Variants in ZMIZ1 observed in about 807,000 individuals in gnomAD.
ZMIZ1 encodes the protein zinc finger MIZ domain-containing protein 1.
A neutral mutation model predicts 113.9 loss-of-function variants in ZMIZ1; 17 were observed. The observed-to-expected ratio is 0.15, with a 90% confidence interval of 0.10 to 0.22. The LOEUF is 0.22. ZMIZ1 is among the 10% of genes least tolerant of loss of function. The probability of loss-of-function intolerance (pLI) is 1.00; values close to 1 mark genes in which losing one functional copy is unlikely to be tolerated. For missense variants in ZMIZ1, 1,059 were observed against 1,477.8 expected, an observed-to-expected ratio of 0.72 and a Z score of 4.65; for synonymous variants, 607 against 603.1, an observed-to-expected ratio of 1.01 and a Z score of -0.09.
chr10:79,136,318 C>T (rs1845006508), intron 2 of ZMIZ1, among the ~76,000 whole-genome samples: 1 of 152,254 alleles, frequency 6.6e-6, no homozygotes, highest in African/African-American at 2.4e-5. Context: ...TAGGACCCCC[C>T]AGCCTGTCCC....
chr10:79,250,482 G>A (rs1299622776), intron 7 of ZMIZ1, among the ~76,000 whole-genome samples: 1 of 152,268 alleles, frequency 6.6e-6, no homozygotes, highest in African/African-American at 2.4e-5. Flanking sequence ...AGCCATCAGG[G>A]AGGTCCTAGC....
At chr10:79,243,705 G>A in intron 7 of ZMIZ1, 1 of 297,592 alleles carries the variant, frequency 3.4e-6, no homozygotes, top group South Asian at 2.4e-5. Context: ...CCCCGAGGGC[G>A]CCAGGGCGGG....
intron 4 of ZMIZ1, among the ~76,000 whole-genome samples, chr10:79,192,841 C>CGCTG (rs1290468470): frequency 2.0e-5 from 3 of 152,214 alleles, no homozygotes; most frequent in Admixed American, 2.0e-4. Flanking sequence ...CAATGACTCA[C>CGCTG]GCTGGCCCGA....
chr10:79,197,522 C>G (rs2132636923), intron 4 of ZMIZ1, among the ~76,000 whole-genome samples: 2 of 152,020 alleles, frequency 1.3e-5, no homozygotes, highest in Admixed American at 1.3e-4. Flanking sequence ...AGGACAAATA[C>G]AGCTCCCGCT....
At chr10:79,220,436 C>A (rs532614730) in intron 7 of ZMIZ1, among the ~76,000 whole-genome samples, 1 of 152,132 alleles carries the variant, frequency 6.6e-6, no homozygotes, top group African/African-American at 2.4e-5. Context: ...GGCACAGCCC[C>A]GGTGTGCCTG....
chr10:79,137,907 CA>C (rs1845083372), intron 2 of ZMIZ1, among the ~76,000 whole-genome samples: 2 of 152,084 alleles, frequency 1.3e-5, no homozygotes, highest in African/African-American at 4.8e-5. Flanking sequence ...CGGGCTCTGA[CA>C]GGGACATTTA....
intron 7 of ZMIZ1, among the ~76,000 whole-genome samples, chr10:79,257,250 T>C (rs1850974134): frequency 6.6e-6 from 1 of 152,232 alleles, no homozygotes; most frequent in African/African-American, 2.4e-5. Flanking sequence ...AGATTCCTGG[T>C]GACAGCAGCT....
At chr10:79,268,187 C>T (rs1314860510) in intron 7 of ZMIZ1, among the ~76,000 whole-genome samples, 2 of 152,340 alleles carry the variant, frequency 1.3e-5, no homozygotes, top group East Asian at 1.9e-4. Context: ...GAGCAGAGGA[C>T]GACCAGGGCT....
chr10:79,095,191 G>A (rs1182543208), intron 1 of ZMIZ1, among the ~76,000 whole-genome samples: 1 of 152,182 alleles, frequency 6.6e-6, no homozygotes, highest in Non-Finnish European at 1.5e-5. Context: ...GATTAAGGTT[G>A]TTGGAAAGAC....
intron 4 of ZMIZ1, among the ~76,000 whole-genome samples, chr10:79,200,047 C>T (rs983800374): frequency 2.0e-5 from 3 of 152,180 alleles, no homozygotes; most frequent in Non-Finnish European, 4.4e-5. Flanking sequence ...TGGAGATGAT[C>T]CTGGCCTTAG....
intron 7 of ZMIZ1, among the ~76,000 whole-genome samples, chr10:79,265,670 C>T (rs1851559610): frequency 6.6e-6 from 1 of 151,812 alleles, no homozygotes; most frequent in South Asian, 2.1e-4. Flanking sequence ...ATGTAGGTTC[C>T]AGGGGTCAGC....
intron 7 of ZMIZ1, among the ~76,000 whole-genome samples, chr10:79,276,440 T>C (rs945152978): frequency 2.0e-5 from 3 of 152,150 alleles, no homozygotes; most frequent in African/African-American, 7.2e-5. Context: ...GGCTCTCTTA[T>C]CCCGGATGTG....
intron 7 of ZMIZ1, among the ~76,000 whole-genome samples, chr10:79,266,174 CCA>C (rs1389557878): frequency 2.6e-5 from 4 of 152,170 alleles, no homozygotes; most frequent in South Asian, 4.1e-4. Context: ...AGGAAGTTGC[CCA>C]CAGTCACACA....
At chr10:79,256,318 A>C (rs1589501718) in intron 7 of ZMIZ1, among the ~76,000 whole-genome samples, 1 of 150,608 alleles carries the variant, frequency 6.6e-6, no homozygotes. Flanking sequence ...CTTCCATGTC[A>C]CCCCATCCCT....
At position 79,289,250 on chromosome 10, in the gene ZMIZ1, G is replaced by A. The variant is rs563682279; in HGVS notation, c.426-525G>A. 3.3e-5 allele frequency among the ~76,000 whole-genome samples: 5 copies of A among 152,264 alleles called. No homozygotes were observed. In the East Asian group the frequency reaches 5.8e-4, roughly 18 times the overall value. ...CTGGGGGCTGGGAAGGAAGGGTGCC[G>A]GAAGAAAGCCTGCATTCCCATGGCC... On this transcript the variant is annotated intron_variant, in intron 8 of 24. Coordinates refer to ENST00000334512, the MANE Select transcript of ZMIZ1 (RefSeq NM_020338.4).
intron 1 of ZMIZ1, among the ~76,000 whole-genome samples, chr10:79,111,620 C>T (rs1312247293): frequency 6.6e-6 from 1 of 152,178 alleles, no homozygotes; most frequent in Non-Finnish European, 1.5e-5. Context: ...GACCTTGGCA[C>T]CAGCTACTCG....
rs187003590 is a variant in ZMIZ1, at chr10:79,142,700, C to T, written c.-131+2923C>T. 5.2e-3 allele frequency among the ~76,000 whole-genome samples: 785 copies of T among 152,340 alleles called. 8 individuals are homozygous for T. Among genetic ancestry groups the T allele is most frequent in the African/African-American group, 0.018 (752 of 41,558 alleles). On this transcript the variant is annotated intron_variant, in intron 3 of 24. Coordinates refer to ENST00000334512, the MANE Select transcript of ZMIZ1 (RefSeq NM_020338.4). ...GGCAAGCGCATGCCTGGGCCCTCCC[C>T]GTCACCCTGGCCGGCACTCCCTGAC...
chr10:79,117,336 A>C (rs1308001638), intron 1 of ZMIZ1, among the ~76,000 whole-genome samples: 1 of 152,282 alleles, frequency 6.6e-6, no homozygotes, highest in Non-Finnish European at 1.5e-5. Flanking sequence ...TTACAGGCGT[A>C]GAGTCTTTTT....
At chr10:79,168,063 A>C (rs1402955090) in intron 4 of ZMIZ1, among the ~76,000 whole-genome samples, 2 of 152,108 alleles carry the variant, frequency 1.3e-5, no homozygotes. Flanking sequence ...GCGGCAGAAC[A>C]GCCCCTCCAG....
Sources: allele counts gnomAD v4.1 joint callset (sites outside exome capture counted in the v4.1 genomes callset), GRCh38; gene constraint gnomAD v4.1.1; transcripts MANE v1.5; gene names NCBI Gene and HGNC (gene_info 2026-07-23, HGNC 2026-07-21).